Variants in SKIC3 observed in about 807,000 individuals in gnomAD.
SKIC3 encodes superkiller complex protein 3.
the SKIC3 span, among the ~76,000 whole-genome samples, chr5:95,488,048 T>C: frequency 6.6e-6 from 1 of 151,556 alleles, no homozygotes; most frequent in East Asian, 1.9e-4. Context: ...AAATACAAAA[T>C]ATATCTGAAA....
At chr5:95,468,127 A>G in the SKIC3 span, 7 of 1,116,626 alleles carry the variant, frequency 6.3e-6, no homozygotes, top group Non-Finnish European at 9.0e-6. Flanking sequence ...AATTCAGATA[A>G]CAATAAAGGT....
chr5:95,525,473 G>C, the SKIC3 span: 1 of 1,613,986 alleles, frequency 6.2e-7, no homozygotes. Flanking sequence ...AGCTAGGTCA[G>C]GGTAAGAAGA....
the SKIC3 span, chr5:95,494,555 C>T: frequency 2.1e-6 from 2 of 949,130 alleles, no homozygotes; most frequent in Non-Finnish European, 3.2e-6. Flanking sequence ...CTAAATTACA[C>T]ACATTTTTGT....
At chr5:95,491,709 G>T in the SKIC3 span, among the ~76,000 whole-genome samples, 1 of 152,026 alleles carries the variant, frequency 6.6e-6, no homozygotes, top group Non-Finnish European at 1.5e-5. Flanking sequence ...TTTTAAGAAA[G>T]CTGTGAAAAA....
At chr5:95,528,800 A>C in the SKIC3 span, 1 of 577,894 alleles carries the variant, frequency 1.7e-6, no homozygotes, top group Admixed American at 3.0e-5. Flanking sequence ...ATTTTGCTAA[A>C]CATTCATTGT....
chr5:95,496,208 G>C, the SKIC3 span, among the ~76,000 whole-genome samples: 1 of 152,022 alleles, frequency 6.6e-6, no homozygotes, highest in Non-Finnish European at 1.5e-5. Flanking sequence ...AGTAGAGACG[G>C]GGTTTTACCA....
the SKIC3 span, chr5:95,543,232 G>C: frequency 6.2e-7 from 1 of 1,613,920 alleles, no homozygotes; most frequent in East Asian, 2.2e-5. Flanking sequence ...CTTTTTTATA[G>C]GCACTCTGGG....
the SKIC3 span, chr5:95,513,729 AAAG>A: frequency 7.5e-7 from 1 of 1,334,612 alleles, no homozygotes; most frequent in South Asian, 1.2e-5. Flanking sequence ...TAGAAGAACC[AAAG>A]GTTTACTAGC....
At chr5:95,530,474 A>G in the SKIC3 span, among the ~76,000 whole-genome samples, 1 of 152,198 alleles carries the variant, frequency 6.6e-6, no homozygotes, top group Non-Finnish European at 1.5e-5. Context: ...TTCAGACAAG[A>G]AACCTGCTAC....
the SKIC3 span, among the ~76,000 whole-genome samples, chr5:95,492,557 A>ATAGCTACTTTAGGGATCTT: frequency 1.5e-5 from 2 of 130,010 alleles, no homozygotes; most frequent in African/African-American, 5.7e-5. Flanking sequence ...GAATGGCGTG[A>ATAGCTACTTTAGGGATCTT]ACCCGGGAGG....
chr5:95,501,149 T>G, the SKIC3 span, among the ~76,000 whole-genome samples: 1,593 of 152,098 alleles, frequency 0.01, 17 homozygotes, highest in Middle Eastern at 0.021. Flanking sequence ...ATTTCAATAT[T>G]GATAACAAAA....
chr5:95,500,779 T>C, the SKIC3 span, among the ~76,000 whole-genome samples: 2 of 152,172 alleles, frequency 1.3e-5, no homozygotes, highest in African/African-American at 4.8e-5. Context: ...TGACCTTATA[T>C]AACAAATTAA....
chr5:95,524,000 A>G, the SKIC3 span, among the ~76,000 whole-genome samples: 1 of 152,218 alleles, frequency 6.6e-6, no homozygotes, highest in Admixed American at 6.5e-5. Context: ...AACAGACAGG[A>G]AAGCTGTCCC....
At chr5:95,470,894 G>T in the SKIC3 span, among the ~76,000 whole-genome samples, 1 of 152,020 alleles carries the variant, frequency 6.6e-6, no homozygotes, top group East Asian at 1.9e-4. Context: ...AGAAAAAAAT[G>T]CATTAAAAAG....
the SKIC3 span, among the ~76,000 whole-genome samples, chr5:95,514,284 A>C: frequency 1.3e-5 from 2 of 152,144 alleles, no homozygotes; most frequent in Admixed American, 1.3e-4. Context: ...AATCCAGAAA[A>C]GTGATATGCT....
chr5:95,488,567 C>T, the SKIC3 span, among the ~76,000 whole-genome samples: 3 of 152,136 alleles, frequency 2.0e-5, no homozygotes, highest in Admixed American at 1.3e-4. Context: ...CAGCCAAGGA[C>T]ACTATACCCA....
the SKIC3 span, among the ~76,000 whole-genome samples, chr5:95,540,128 G>A: frequency 6.6e-6 from 1 of 152,104 alleles, no homozygotes; most frequent in East Asian, 1.9e-4. Flanking sequence ...TGAATTAATA[G>A]CATTCGCAGC....
chr5:95,536,784 C>A, the SKIC3 span: 1 of 1,536,904 alleles, frequency 6.5e-7, no homozygotes, highest in South Asian at 1.1e-5. Flanking sequence ...TCACACACCT[C>A]TAGGACACAC....
the SKIC3 span, among the ~76,000 whole-genome samples, chr5:95,464,924 C>CT: frequency 0.016 from 1,730 of 106,940 alleles, 55 homozygotes; most frequent in African/African-American, 0.036. Flanking sequence ...ATTCTGATTG[C>CT]TTTTTTTTTT....
Sources: allele counts gnomAD v4.1 joint callset (sites outside exome capture counted in the v4.1 genomes callset), GRCh38; gene constraint gnomAD v4.1.1; transcripts MANE v1.5; gene names NCBI Gene and HGNC (gene_info 2026-07-23, HGNC 2026-07-21).